PCDH11X: variants seen among roughly 807,000 people sequenced by gnomAD.
The protein encoded by PCDH11X is protocadherin-11 X-linked.
PCDH11X carries 18 observed loss-of-function variants against 53.3 expected under a neutral mutation model. The ratio of observed to expected loss-of-function variants is 0.34; its 90% CI spans 0.23 to 0.50. PCDH11X has a LOEUF of 0.50. Ranked by LOEUF, PCDH11X falls within the 20% of genes least tolerant of loss-of-function variation. The pLI is 0.98. For missense variants in PCDH11X, 570 were observed against 1,032.4 expected (o/e 0.55, Z 6.14); for synonymous variants, 279 against 393.3 (o/e 0.71, Z 3.44).
intron 6 of PCDH11X, among the ~76,000 whole-genome samples, chrX:91,906,714 C>T (rs1941166934): frequency 9.0e-6 from 1 of 111,610 alleles, no homozygotes; most frequent in South Asian, 3.7e-4. Flanking sequence ...AAACACAACG[C>T]CTTTATTAAC....
chrX:92,431,556 G>A (rs2072250733), intron 9 of PCDH11X, among the ~76,000 whole-genome samples: 1 of 110,162 alleles, frequency 9.1e-6, no homozygotes, highest in Admixed American at 9.7e-5. Context: ...TTTTGGAGTG[G>A]GTGGGGAGGG....
intron 1 of PCDH11X, among the ~76,000 whole-genome samples, chrX:91,785,367 A>T (rs1376024778): frequency 9.2e-6 from 1 of 108,207 alleles, no homozygotes; most frequent in Non-Finnish European, 1.9e-5. Flanking sequence ...ACATACAGTT[A>T]CCAATCTTCA....
chrX:92,256,853 C>T (rs2067600382), intron 7 of PCDH11X, among the ~76,000 whole-genome samples: 1 of 111,052 alleles, frequency 9.0e-6, no homozygotes, highest in African/African-American at 3.3e-5. Flanking sequence ...AGGATAATGG[C>T]TTCCAGCTCC....
intron 6 of PCDH11X, among the ~76,000 whole-genome samples, chrX:92,143,158 A>G (rs2065215577): frequency 9.0e-6 from 1 of 111,502 alleles, no homozygotes; most frequent in South Asian, 3.7e-4. Flanking sequence ...ACATGCCTGT[A>G]GTTTTTGGCT....
At chrX:92,520,668 C>T (rs775879838) in intron 10 of PCDH11X, among the ~76,000 whole-genome samples, 287 of 109,517 alleles carry the variant, frequency 2.6e-3, no homozygotes, top group African/African-American at 8.9e-3. Context: ...ATTGACTCTT[C>T]CTTTCACAAA....
At chrX:92,494,668 C>T (rs1463298490) in intron 10 of PCDH11X, among the ~76,000 whole-genome samples, 5 of 110,757 alleles carry the variant, frequency 4.5e-5, no homozygotes, top group Non-Finnish European at 3.8e-5. Context: ...TGCAATTGAT[C>T]TACAGCTATG....
chrX:92,049,252 G>A (rs2063334005), intron 6 of PCDH11X, among the ~76,000 whole-genome samples: 1 of 111,515 alleles, frequency 9.0e-6, no homozygotes, highest in South Asian at 3.7e-4. Context: ...AGACATTGCA[G>A]GATAATTTCA....
At chrX:92,256,561 T>C (rs979571125) in intron 7 of PCDH11X, among the ~76,000 whole-genome samples, 3 of 111,751 alleles carry the variant, frequency 2.7e-5, no homozygotes. Flanking sequence ...TTCCCCAACT[T>C]TTATTTTAAG....
chrX:92,314,010 C>A (rs1369173856), intron 8 of PCDH11X, among the ~76,000 whole-genome samples: 3 of 111,187 alleles, frequency 2.7e-5, no homozygotes, highest in Non-Finnish European at 5.7e-5. Context: ...ACTTAGGATA[C>A]ACTAAATCGA....
chrX:92,428,249 AGTGATGT>A (rs2072170979), intron 9 of PCDH11X, among the ~76,000 whole-genome samples: 1 of 111,205 alleles, frequency 9.0e-6, no homozygotes, highest in African/African-American at 3.3e-5. Context: ...TAACAGGCTG[AGTGATGT>A]AGCAGTTGAT....
chrX:92,415,222 A>C (rs1210468223), intron 9 of PCDH11X, among the ~76,000 whole-genome samples: 2 of 111,653 alleles, frequency 1.8e-5, no homozygotes, highest in Non-Finnish European at 1.9e-5. Flanking sequence ...GTACTTCATC[A>C]GAGGAAAGTA....
chrX:92,079,448 G>A (rs1177427643), intron 6 of PCDH11X, among the ~76,000 whole-genome samples: 4 of 110,797 alleles, frequency 3.6e-5, no homozygotes, highest in Non-Finnish European at 5.7e-5. Context: ...AGGAAACAGT[G>A]CAATGTAGTG....
intron 10 of PCDH11X, among the ~76,000 whole-genome samples, chrX:92,607,683 T>A (rs1159223754): frequency 8.9e-6 from 1 of 111,804 alleles, no homozygotes; most frequent in Non-Finnish European, 1.9e-5. Context: ...AAAATGACTT[T>A]GCATCAATTT....
At chrX:92,466,727 G>A (rs914069390) in intron 9 of PCDH11X, among the ~76,000 whole-genome samples, 10 of 110,066 alleles carry the variant, frequency 9.1e-5, no homozygotes, top group South Asian at 3.8e-4. Flanking sequence ...CACGTCCCTC[G>A]TTTTGCTTCT....
chrX:92,570,015 CAAAAAAAAAAA>C (rs766388753), intron 10 of PCDH11X, among the ~76,000 whole-genome samples: 1 of 32,052 alleles, frequency 3.1e-5, no homozygotes, highest in East Asian at 1.3e-3. Context: ...GACTCAGTCT[CAAAAAAAAAAA>C]AAAAAAAAAA....
At chrX:91,943,180 G>T (rs1270156172) in intron 6 of PCDH11X, among the ~76,000 whole-genome samples, 1 of 94,335 alleles carries the variant, frequency 1.1e-5, no homozygotes, top group Non-Finnish European at 2.1e-5. Context: ...ATACTATAAT[G>T]GTGGAAACAT....
At chrX:92,189,158 C>T (rs2066149066) in intron 6 of PCDH11X, among the ~76,000 whole-genome samples, 2 of 111,116 alleles carry the variant, frequency 1.8e-5, no homozygotes, top group Admixed American at 1.9e-4. Flanking sequence ...ATCAACCCAT[C>T]ACCTAGTTAT....
intron 7 of PCDH11X, among the ~76,000 whole-genome samples, chrX:92,257,180 A>C (rs753454816): frequency 8.1e-5 from 9 of 111,217 alleles, no homozygotes; most frequent in African/African-American, 2.9e-4. Flanking sequence ...GACTTTTATA[A>C]CAACCATATC....
intron 8 of PCDH11X, among the ~76,000 whole-genome samples, chrX:92,284,927 A>G (rs2068329869): frequency 1.8e-5 from 2 of 111,277 alleles, no homozygotes; most frequent in African/African-American, 6.5e-5. Context: ...AATTGCTTAG[A>G]AACAATTTGT....
Sources: allele counts gnomAD v4.1 joint callset (sites outside exome capture counted in the v4.1 genomes callset), GRCh38; gene constraint gnomAD v4.1.1; transcripts MANE v1.5; gene names NCBI Gene and HGNC (gene_info 2026-07-23, HGNC 2026-07-21).